CROCC2: variants seen among roughly 807,000 people sequenced by gnomAD.
The protein encoded by CROCC2 is ciliary rootlet coiled-coil, rootletin family member 2, also known as ciliary rootlet coiled-coil protein 2.
Under a neutral mutation model 177.6 loss-of-function variants are expected in CROCC2, and 163 were observed. That is an observed-to-expected ratio of 0.92 (90% CI 0.81 to 1.05). The LOEUF (loss-of-function observed/expected upper bound fraction) is 1.05, where lower values mean the gene tolerates loss of function less well. Among genes scored for constraint, CROCC2 ranks in the 50% least tolerant of loss-of-function variants. The pLI, the probability that CROCC2 is intolerant of heterozygous loss-of-function variation, is 0.00. For missense variants in CROCC2, 1,929 were observed against 1,797.8 expected, an observed-to-expected ratio of 1.07 and a Z score of -1.32; for synonymous variants, 904 against 787.3, an observed-to-expected ratio of 1.15 and a Z score of -2.48.
chr2:240,927,294 C>A (rs187269139), intron 5 of CROCC2, among the ~76,000 whole-genome samples: 184 of 152,084 alleles, frequency 1.2e-3, no homozygotes, highest in Non-Finnish European at 2.1e-3. Context: ...TTTGTTTATC[C>A]CGCTTTAGGG....
chr2:240,962,276 T>C (rs1420274312), intron 20 of CROCC2, among the ~76,000 whole-genome samples: 1 of 130,814 alleles, frequency 7.6e-6, no homozygotes, highest in Non-Finnish European at 1.6e-5. Context: ...GCTGTTCTCA[T>C]GAGGCAGAGG....
At chr2:240,915,459 G>A (rs1304061383) in intron 1 of CROCC2, among the ~76,000 whole-genome samples, 1 of 152,232 alleles carries the variant, frequency 6.6e-6, no homozygotes, top group African/African-American at 2.4e-5. Context: ...TCAGCCCCTG[G>A]CCCTGGGATC....
At chr2:240,933,926 G>A in intron 11 of CROCC2, 74 bp downstream of exon 11, 1 of 1,464,388 alleles carries the variant, frequency 6.8e-7, no homozygotes, top group Non-Finnish European at 9.2e-7. Context: ...CAGCCACTTG[G>A]CCTTGGGCCA....
rs866996884 is a variant in CROCC2, at chr2:240,966,264, C to A, written c.4001C>A (p.Thr1334Asn). 11 of 569,692 alleles carry A rather than the reference C, an allele frequency of 1.9e-5. No individual in the cohort carries two copies. In the Middle Eastern group the frequency reaches 1.4e-3, roughly 73 times the overall value. The allele number at this position is 569,692 out of a possible 1,614,324, so 35.3% of individuals were successfully genotyped here. A position where few individuals can be genotyped will look rare whatever the true frequency, so the allele number is the denominator to read the frequency against. ...CAGGCTCTCCCTGGGCAACAGGGTA[C>A]CAGCCCCCCAGCCAGGCCCCACTCG... The part of the protein sequence containing the change: ...SSQALPGQQG[T>N]SPPARPHSPL... Residue 1334 changes from threonine to asparagine, a missense_variant, in exon 25 of 32, where the codon ACC becomes AAC. Physicochemically the swap from Thr to Asn is moderately conservative, Grantham distance 65 (BLOSUM62 0). Transcript: ENST00000690015.
intron 27 of CROCC2, among the ~76,000 whole-genome samples, chr2:240,980,201 G>GGT: frequency 2.5e-5 from 1 of 39,772 alleles, no homozygotes; most frequent in Admixed American, 2.6e-4. Flanking sequence ...CCCTGCTCAA[G>GGT]CTCTGGGGTA....
chr2:240,922,216 C>G (rs988376168), intron 3 of CROCC2, among the ~76,000 whole-genome samples: 1 of 152,250 alleles, frequency 6.6e-6, no homozygotes, highest in Non-Finnish European at 1.5e-5. Flanking sequence ...CTCCAGCAGC[C>G]CCCAGAGCTA....
At position 240,965,928 on chromosome 2, in the gene CROCC2, G is replaced by A. The variant is rs1173605847; in HGVS notation, c.3896G>A (p.Arg1299His). The change falls in exon 24 of 32, where the codon CGT (arginine) becomes CAT (histidine). Residue 1299 changes from arginine to histidine, a missense_variant. Arg to His is a conservative substitution (Grantham distance 29, BLOSUM62 0). Around this residue, in one of 3 missense-constraint regions of CROCC2, gnomAD observed 144 missense variants for 205.2 expected, o/e 0.70. Transcript: ENST00000690015. ...QLGRLCSTLR[R>H]GLGLQRQSPW... Reference sequence around the variant, plus strand: ...GGCCGGCTGTGCTCCACGCTCCGCCGTGGCCTGGGGCTCCAGAGACAGAGC... The same window carrying A: ...GGCCGGCTGTGCTCCACGCTCCGCCATGGCCTGGGGCTCCAGAGACAGAGC... The A allele has an allele frequency of 9.2e-6, 13 of 1,414,844 alleles. No homozygotes were observed. The highest frequency in any genetic ancestry group is 8.7e-5 in the African/African-American group (6 of 68,588). 87.6% of individuals were successfully genotyped at this position (1,414,844 alleles called of 1,614,324 possible).
At chr2:240,988,988 A>G in intron 29 of CROCC2, 118 bp downstream of exon 29, 2 of 1,097,958 alleles carry the variant, frequency 1.8e-6, no homozygotes, top group Non-Finnish European at 2.4e-6. Context: ...ACACGTGCAC[A>G]CATGGGGAGG....
At position 240,958,677 on chromosome 2, in the gene CROCC2, G is replaced by A. The variant is rs1208799950; in HGVS notation, c.2944-624G>A. ...GGGCAGGGCTCGGACCCTTCATGTT[G>A]AGGACACTGAGGCCCAGGAAGCTGA... is the stretch of plus-strand genomic sequence containing the variant. On this transcript the variant is annotated intron_variant, in intron 19 of 31. Coordinates refer to ENST00000690015, the MANE Select transcript of CROCC2 (RefSeq NM_001351305.2). The surrounding 1 kb of genome is among the most constrained non-coding windows in gnomAD (Gnocchi z 6.7). 3.9e-6 allele frequency: 3 copies of A among 765,112 alleles called. No individual in the cohort carries two copies. Among genetic ancestry groups the A allele is most frequent in the Non-Finnish European group, 4.8e-6 (3 of 628,528 alleles). The allele number at this position is 765,112 out of a possible 1,614,324, so 47.4% of individuals were successfully genotyped here. A position where few individuals can be genotyped will look rare whatever the true frequency, so the allele number is the denominator to read the frequency against.
Position 240,990,357 on chromosome 2 carries a change from C to T in CROCC2, c.4863+524C>T, listed in dbSNP as rs562383689. Among the ~76,000 whole-genome samples, 6 of 152,294 alleles carry T rather than the reference C, an allele frequency of 3.9e-5. No homozygotes were observed. The East Asian group carries it at 5.8e-4, about 15-fold the overall frequency. Reference sequence around the variant, plus strand: ...GCACACCCACACATGCATATGTACACGTGACAGACCTGCTGGGCTGAACCA... The same window carrying T: ...GCACACCCACACATGCATATGTACATGTGACAGACCTGCTGGGCTGAACCA... On this transcript the variant is annotated intron_variant, in intron 30 of 31. Coordinates refer to ENST00000690015, the MANE Select transcript of CROCC2 (RefSeq NM_001351305.2).
chr2:240,912,561 GC>G (rs1332869495), intron 1 of CROCC2, among the ~76,000 whole-genome samples: 3 of 152,196 alleles, frequency 2.0e-5, no homozygotes, highest in Non-Finnish European at 4.4e-5. Flanking sequence ...CAGGTACGGA[GC>G]CTCCAGGCCC....
Position 240,991,188 on chromosome 2 carries a change from G to C in CROCC2, c.4864-8G>C, listed in dbSNP as rs1026628267. 2 of 1,543,532 alleles carry C rather than the reference G, an allele frequency of 1.3e-6. No homozygotes were observed. The highest frequency in any genetic ancestry group is 2.7e-5 in the African/African-American group (2 of 72,860). On this transcript the variant is annotated splice_region_variant and splice_polypyrimidine_tract_variant and intron_variant, in intron 30 of 31. Coordinates refer to ENST00000690015, the MANE Select transcript of CROCC2 (RefSeq NM_001351305.2). ...CCCACCTGACCTGAGCCACTGTCCT[G>C]TCCCCAGGTGGCCAGCCTGAAGGAG...
At chr2:240,970,514 T>C (rs2059713031) in intron 27 of CROCC2, among the ~76,000 whole-genome samples, 1 of 152,274 alleles carries the variant, frequency 6.6e-6, no homozygotes, top group African/African-American at 2.4e-5. Flanking sequence ...TTCATCCTCT[T>C]TTCCCTTAGC....
In CROCC2 at chr2:240,972,369, T is replaced by C. The variant is rs1373319286; in HGVS notation, c.4401+4107T>C. On this transcript the variant is annotated intron_variant, in intron 27 of 31. Transcript: ENST00000690015. The surrounding 1 kb of genome is among the most constrained non-coding windows in gnomAD (Gnocchi z 7.1). ...GAAGTGGGCGGGGTGGGAGCGGCGC[T>C]CTCCGGTGCACGGTCACGGTGCGGT... is the stretch of plus-strand genomic sequence containing the variant. Among the ~76,000 whole-genome samples, 4 of 151,932 alleles carry C rather than the reference T, an allele frequency of 2.6e-5. No individual in the cohort carries two copies. Among genetic ancestry groups the C allele is most frequent in the Admixed American group, 1.3e-4 (2 of 15,210 alleles).
In CROCC2 at chr2:240,953,847, C is replaced by T. The variant is rs912016366; in HGVS notation, c.2830-2012C>T. Among the ~76,000 whole-genome samples, 3 of 152,164 alleles carry T rather than the reference C, an allele frequency of 2.0e-5. No individual in the cohort carries two copies. Among genetic ancestry groups the T allele is most frequent in the East Asian group, 1.9e-4 (1 of 5,194 alleles). The stretch of plus-strand genomic sequence containing the variant: ...CACTGGAACCCTCCATTCTCCGACC[C>T]GCTGTGTCTGAATGGCGGCTTGCCC... On this transcript the variant is annotated intron_variant, in intron 18 of 31. Transcript: ENST00000690015. This position sits in a 1 kb window ranked among gnomAD's most constrained non-coding sequence, Gnocchi z 4.0.
intron 5 of CROCC2, among the ~76,000 whole-genome samples, chr2:240,926,935 G>T (rs955206028): frequency 1.3e-5 from 2 of 152,380 alleles, no homozygotes; most frequent in African/African-American, 2.4e-5. Flanking sequence ...TCCTTGGACC[G>T]CTGGACAGGT....
At chr2:240,961,843 T>G (rs1264617410) in intron 20 of CROCC2, among the ~76,000 whole-genome samples, 1 of 35,680 alleles carries the variant, frequency 2.8e-5, no homozygotes, top group East Asian at 7.3e-4. Flanking sequence ...ACACATACAC[T>G]CATGACACAC....
chr2:240,988,960 C>A, intron 29 of CROCC2, 90 bp downstream of exon 29: 1 of 1,270,366 alleles, frequency 7.9e-7, no homozygotes, highest in Non-Finnish European at 1.0e-6. Flanking sequence ...AGAGGGGTGG[C>A]TGGTGTACCT....
chr2:240,981,623 G>A (rs531039214), intron 27 of CROCC2: 1 of 152,136 alleles, frequency 6.6e-6, no homozygotes, highest in Non-Finnish European at 1.5e-5. Context: ...GAAAACTTCT[G>A]CTTTTCTACT....
Sources: allele counts gnomAD v4.1 joint callset (sites outside exome capture counted in the v4.1 genomes callset), GRCh38; gene constraint gnomAD v4.1.1; regional missense constraint gnomAD v4.1.1; non-coding constraint Gnocchi (gnomAD v3.1); transcripts MANE v1.5; gene names NCBI Gene and HGNC (gene_info 2026-07-23, HGNC 2026-07-21).